EMC8: variants seen among roughly 807,000 people sequenced by gnomAD.
EMC8 encodes the protein COX4 neighbor.
Under a neutral mutation model 24.3 loss-of-function variants are expected in EMC8, and 11 were observed. That is an observed-to-expected ratio of 0.45 (90% confidence interval 0.28 to 0.75). The LOEUF is 0.75. Ranked by LOEUF, EMC8 falls within the 30% of genes least tolerant of loss-of-function variation. EMC8 has a pLI of 0.12. For missense variants in EMC8, 277 were observed against 282.7 expected, an observed-to-expected ratio of 0.98 and a Z score of 0.14; for synonymous variants, 145 against 117.7, an observed-to-expected ratio of 1.23 and a Z score of -1.50.
At chr16:85,780,293 T>C (rs1904427390) in intron 4 of EMC8, 86 bp downstream of exon 4, 2 of 985,486 alleles carry the variant, frequency 2.0e-6, no homozygotes, top group African/African-American at 1.6e-5. Flanking sequence ...AAACGCTAAC[T>C]GAAAACACAG....
intron 1 of EMC8, among the ~76,000 whole-genome samples, chr16:85,789,517 C>T (rs1429860159): frequency 6.6e-6 from 1 of 152,178 alleles, no homozygotes. Flanking sequence ...TTAGGCCAGG[C>T]ACAGTGGCTC....
At chr16:85,785,583 C>T (rs563572991) in intron 2 of EMC8, among the ~76,000 whole-genome samples, 1 of 151,636 alleles carries the variant, frequency 6.6e-6, no homozygotes, top group African/African-American at 2.4e-5. Flanking sequence ...TGCCACCGCC[C>T]CGCCAAAAAA....
chr16:85,788,672 G>A (rs954085699), intron 2 of EMC8, among the ~76,000 whole-genome samples: 1 of 152,216 alleles, frequency 6.6e-6, no homozygotes, highest in African/African-American at 2.4e-5. Context: ...CTGGGAAGGG[G>A]AAGCAAGGCA....
At chr16:85,791,899 T>C (rs966419268) in intron 1 of EMC8, among the ~76,000 whole-genome samples, 1 of 152,216 alleles carries the variant, frequency 6.6e-6, no homozygotes, top group African/African-American at 2.4e-5. Context: ...TAATCACATC[T>C]ACAAATCCCT....
intron 1 of EMC8, among the ~76,000 whole-genome samples, chr16:85,794,851 T>A (rs948488355): frequency 1.4e-4 from 22 of 152,154 alleles, no homozygotes; most frequent in African/African-American, 4.6e-4. Flanking sequence ...GTGCAGACTG[T>A]AACTAGGAAT....
Position 85,779,976 on chromosome 16 carries a change from T to A in EMC8, c.474-109A>T, listed in dbSNP as rs543533333. On this transcript the variant is annotated intron_variant, in intron 4 of 4. Coordinates refer to ENST00000253457, the MANE Select transcript of EMC8 (RefSeq NM_006067.5). ...TGCACAGTGGTATGAACAGAGATGG[T>A]GCAGAGTACTGAGAAACATGTGCAT... 1.3e-3 allele frequency: 1,091 copies of A among 843,120 alleles called. 5 individuals carry two copies. The highest frequency in any genetic ancestry group is 2.8e-3 in the Admixed American group (132 of 47,664). The allele number at this position is 843,120 out of a possible 1,614,324, so 52.2% of individuals were successfully genotyped here.
At chr16:85,784,988 C>G (rs990432588) in intron 2 of EMC8, 1 of 152,238 alleles carries the variant, frequency 6.6e-6, no homozygotes, top group African/African-American at 2.4e-5. Context: ...TGCTCTGTTG[C>G]CCAGGCTGGA....
chr16:85,790,002 T>C (rs1904931819), intron 1 of EMC8, among the ~76,000 whole-genome samples: 1 of 152,188 alleles, frequency 6.6e-6, no homozygotes, highest in Non-Finnish European at 1.5e-5. Context: ...TATGGTACCA[T>C]GTTTCTCACC....
rs759271576 is a variant in EMC8, at chr16:85,779,719, G to A, written c.622C>T (p.His208Tyr). The change falls in exon 5 of 5, where the codon CAC becomes TAC. Residue 208 changes from histidine (H) to tyrosine (Y), a missense_variant. Coordinates refer to ENST00000253457, the MANE Select transcript of EMC8 (RefSeq NM_006067.5). ...TNPEINKAVL[H>Y]LC ...ACAGCGGTGCCTGCCTAGCACAAGT[G>A]TAGGACAGCTTTATTGATCTCTGGG... 6.2e-7 allele frequency: 1 copy of A among 1,614,196 alleles called. No homozygotes were observed. Among genetic ancestry groups the A allele is most frequent in the Non-Finnish European group, 8.5e-7 (1 of 1,179,998 alleles).
chr16:85,788,921 C>G, intron 2 of EMC8, 53 bp downstream of exon 2: 2 of 1,287,534 alleles, frequency 1.6e-6, no homozygotes, highest in Non-Finnish European at 2.3e-6. Flanking sequence ...GAGACGGGGT[C>G]TGCCCAACAC....
chr16:85,795,226 T>C (rs1285796152), intron 1 of EMC8, among the ~76,000 whole-genome samples: 5 of 152,216 alleles, frequency 3.3e-5, no homozygotes, highest in Non-Finnish European at 5.9e-5. Flanking sequence ...AAGTTTGTCT[T>C]CAAGAAGCTC....
At chr16:85,798,045 T>C (rs138030816) in intron 1 of EMC8, among the ~76,000 whole-genome samples, 64 of 151,966 alleles carry the variant, frequency 4.2e-4, no homozygotes, top group Middle Eastern at 3.4e-3. Flanking sequence ...AAAGCTGTCA[T>C]TGCAAACAAA....
chr16:85,782,523 G>GTT (rs1348739912), intron 2 of EMC8, among the ~76,000 whole-genome samples: 3 of 152,120 alleles, frequency 2.0e-5, no homozygotes, highest in Non-Finnish European at 4.4e-5. Flanking sequence ...TCAAATCTGT[G>GTT]TAAGTCTTTA....
rs540228869 is a variant in EMC8 at position 85,796,866 on chromosome 16, T to C, written c.231+2199A>G. 2.0e-5 allele frequency among the ~76,000 whole-genome samples: 3 copies of C among 152,336 alleles called. No homozygotes were observed. The East Asian group carries it at 5.8e-4, about 29-fold the overall frequency. On this transcript the variant is annotated intron_variant, in intron 1 of 4. Transcript: ENST00000253457. The stretch of plus-strand genomic sequence containing the variant: ...TCTCTCGAATCCCTTGCCACTTTTT[T>C]ACTAAGCTCCGCCTGTGAGGTTTAG...
chr16:85,791,225 CA>C (rs1904997315), intron 1 of EMC8, among the ~76,000 whole-genome samples: 1 of 152,054 alleles, frequency 6.6e-6, no homozygotes, highest in African/African-American at 2.4e-5. Flanking sequence ...TTAATGCATA[CA>C]TTTTTTGGAT....
In EMC8 at chr16:85,779,018, G is replaced by A. The variant is rs1341461509; in HGVS notation, c.*690C>T. The A allele has an allele frequency of 3.3e-5, 5 of 152,178 alleles. No homozygotes were observed. Among genetic ancestry groups the A allele is most frequent in the East Asian group, 1.9e-4 (1 of 5,192 alleles). 9.4% of individuals were successfully genotyped at this position (152,178 alleles called of 1,614,324 possible). On this transcript the variant is annotated 3_prime_UTR_variant, in exon 5 of 5. Coordinates refer to ENST00000253457, the MANE Select transcript of EMC8 (RefSeq NM_006067.5). ...CCCTGCAGGCACGTGAGCTTTCTGC[G>A]TGGCTGAAGAGCACCACACTGAGCT...
At chr16:85,781,022 C>T (rs74032009) in intron 3 of EMC8, 189 bp downstream of exon 3, 6 of 585,088 alleles carry the variant, frequency 1.0e-5, no homozygotes, top group South Asian at 4.0e-5. Flanking sequence ...TGTAGTGATG[C>T]GGAAGCACAG....
At chr16:85,781,388 C>T (rs1904489953) in intron 2 of EMC8, 108 bp from the exon 3 acceptor site, 11 of 787,516 alleles carry the variant, frequency 1.4e-5, no homozygotes, top group Admixed American at 4.0e-5. Context: ...GAAAGACTGG[C>T]AGAGCCAACA....
rs971221406 is a variant in EMC8 at position 85,779,650 on chromosome 16, T to C, written c.*58A>G. The C allele has an allele frequency of 1.6e-5, 25 of 1,540,774 alleles. No homozygotes were observed. In the South Asian group the frequency reaches 2.1e-4, roughly 13 times the overall value. On this transcript the variant is annotated 3_prime_UTR_variant, in exon 5 of 5. Coordinates refer to ENST00000253457, the MANE Select transcript of EMC8 (RefSeq NM_006067.5). ...AAGATATTTTATTTACATTTAAAAA[T>C]AGGTTTTCTTCTTCAACGTAGTGGA...
Sources: allele counts gnomAD v4.1 joint callset (sites outside exome capture counted in the v4.1 genomes callset), GRCh38; gene constraint gnomAD v4.1.1; transcripts MANE v1.5; gene names NCBI Gene and HGNC (gene_info 2026-07-23, HGNC 2026-07-21).